The following DMD variants were observed in gnomAD, a reference collection of about 807,000 sequenced individuals.
The protein encoded by DMD is dystrophin, also known as mutant dystrophin.
In DMD, 63 loss-of-function variants were observed where a neutral mutation model predicts 330.1. The ratio of observed to expected loss-of-function variants is 0.19; its 90% CI spans 0.16 to 0.24. The LOEUF (loss-of-function observed/expected upper bound fraction) is 0.24, where lower values mean the gene tolerates loss of function less well. DMD is among the 10% of genes least tolerant of loss of function. The pLI, the probability that DMD is intolerant of heterozygous loss-of-function variation, is 1.00. For synonymous variants in DMD, 1,223 were observed against 959.8 expected, an observed-to-expected ratio of 1.27 and a Z score of -5.07; for missense variants, 3,344 against 2,684.1, an observed-to-expected ratio of 1.25 and a Z score of -5.43.
intron 51 of DMD, among the ~76,000 whole-genome samples, chrX:31,739,842 C>CAA (rs34229635): frequency 1.2e-5 from 1 of 84,124 alleles, no homozygotes; most frequent in African/African-American, 4.2e-5. Context: ...ATAGTAATCT[C>CAA]AAAAAAAAAA....
At chrX:32,657,878 C>A (rs766740328) in intron 9 of DMD, among the ~76,000 whole-genome samples, 1 of 111,002 alleles carries the variant, frequency 9.0e-6, no homozygotes, top group African/African-American at 3.3e-5. Context: ...TTTAATCAGT[C>A]ATTTATAAAT....
At chrX:31,488,091 T>C (rs1189391366) in intron 57 of DMD, among the ~76,000 whole-genome samples, 1 of 111,755 alleles carries the variant, frequency 8.9e-6, no homozygotes, top group South Asian at 3.7e-4. Context: ...TATGGAGGAA[T>C]AGTTTACTGC....
intron 74 of DMD, among the ~76,000 whole-genome samples, chrX:31,164,008 GGGAGAAGGTT>G (rs2039146052): frequency 8.9e-6 from 1 of 111,871 alleles, no homozygotes; most frequent in Admixed American, 9.5e-5. Context: ...CCACAGCCAG[GGGAGAAGGTT>G]GGAGAAGGAT....
intron 1 of DMD, among the ~76,000 whole-genome samples, chrX:33,277,866 G>A (rs1236385908): frequency 3.6e-5 from 4 of 111,149 alleles, no homozygotes; most frequent in Non-Finnish European, 7.5e-5. Context: ...TCAGCATTTC[G>A]AGAAGTCAAG....
chrX:32,683,471 G>T (rs979454697), intron 9 of DMD, among the ~76,000 whole-genome samples: 2 of 108,990 alleles, frequency 1.8e-5, no homozygotes, highest in African/African-American at 6.8e-5. Context: ...CCATAAAAAA[G>T]GATGAGTTCA....
intron 53 of DMD, among the ~76,000 whole-genome samples, chrX:31,658,624 T>A (rs1162778457): frequency 8.9e-6 from 1 of 112,514 alleles, no homozygotes; most frequent in Admixed American, 9.4e-5. Flanking sequence ...AAAAGAATAG[T>A]ACTGTTATTC....
intron 48 of DMD, among the ~76,000 whole-genome samples, chrX:31,842,977 G>T (rs1443821707): frequency 8.9e-6 from 1 of 111,872 alleles, no homozygotes; most frequent in Non-Finnish European, 1.9e-5. Flanking sequence ...AGTGGTATTT[G>T]GTTTTCTGTT....
At chrX:31,664,143 GTATT>G (rs1330940023) in intron 53 of DMD, among the ~76,000 whole-genome samples, 1 of 111,428 alleles carries the variant, frequency 9.0e-6, no homozygotes, top group Non-Finnish European at 1.9e-5. Flanking sequence ...GGCTTGAAAT[GTATT>G]TATGCAGTGT....
At chrX:32,901,668 T>G (rs2086257036) in intron 2 of DMD, among the ~76,000 whole-genome samples, 2 of 111,153 alleles carry the variant, frequency 1.8e-5, no homozygotes, top group South Asian at 7.4e-4. Flanking sequence ...TTTAAAATTT[T>G]TCATAAAATG....
At chrX:32,282,648 T>C (rs918539301) in intron 43 of DMD, among the ~76,000 whole-genome samples, 3 of 112,266 alleles carry the variant, frequency 2.7e-5, no homozygotes, top group African/African-American at 9.7e-5. Context: ...TGAGCAGTCA[T>C]AAATTAGTCT....
At chrX:33,029,328 GCAAA>G in intron 1 of DMD, among the ~76,000 whole-genome samples, 1 of 112,061 alleles carries the variant, frequency 8.9e-6, no homozygotes, top group Middle Eastern at 4.6e-3. Context: ...AATATTTCTT[GCAAA>G]CAATCTGCCT....
chrX:33,291,677 G>C (rs1435055880), intron 1 of DMD, among the ~76,000 whole-genome samples: 2 of 111,334 alleles, frequency 1.8e-5, no homozygotes, highest in East Asian at 5.7e-4. Context: ...CCAAACGACA[G>C]TTTTTTCTGT....
rs1437272515 is a variant in DMD, at chrX:32,991,483, G to T, written c.93+28656C>A. The stretch of plus-strand genomic sequence containing the variant: ...AACACGATGGCCACTAAAACCATGT[G>T]ACTACTGAGCACTTCAAATGTAGCT... On this transcript the variant is annotated intron_variant, in intron 2 of 78. Coordinates refer to ENST00000357033, the MANE Select transcript of DMD (RefSeq NM_004006.3). Among the ~76,000 whole-genome samples, 3 of 111,931 alleles carry T rather than the reference G, an allele frequency of 2.7e-5. No individual in the cohort carries two copies. In the East Asian group the frequency reaches 8.4e-4, roughly 31 times the overall value.
chrX:32,538,320 T>C (rs1381292577), intron 17 of DMD, among the ~76,000 whole-genome samples: 1 of 111,641 alleles, frequency 9.0e-6, no homozygotes, highest in Non-Finnish European at 1.9e-5. Context: ...TTGCCCCACC[T>C]TAACCGAGCG....
intron 2 of DMD, among the ~76,000 whole-genome samples, chrX:32,991,319 G>A (rs759318893): frequency 1.8e-5 from 2 of 111,256 alleles, no homozygotes; most frequent in South Asian, 7.4e-4. Context: ...GTATTTTGGA[G>A]CATAAACAAT....
At chrX:33,224,553 G>T (rs185709815) in intron 1 of DMD, among the ~76,000 whole-genome samples, 105 of 111,574 alleles carry the variant, frequency 9.4e-4, no homozygotes, top group African/African-American at 3.3e-3. Context: ...ATCAGTGGTT[G>T]CCAGGGGTTA....
intron 2 of DMD, among the ~76,000 whole-genome samples, chrX:33,008,981 T>C (rs1395965870): frequency 2.0e-5 from 2 of 98,680 alleles, no homozygotes; most frequent in Non-Finnish European, 4.2e-5. Context: ...TATACACTTA[T>C]GTATATATAC....
intron 13 of DMD, among the ~76,000 whole-genome samples, chrX:32,585,686 CA>C (rs1456751010): frequency 1.8e-5 from 1 of 54,362 alleles, no homozygotes; most frequent in East Asian, 5.9e-4. Flanking sequence ...GGTGACAGAG[CA>C]GGACTCCGTC....
intron 62 of DMD, among the ~76,000 whole-genome samples, chrX:31,280,688 G>T (rs1418966142): frequency 8.9e-6 from 1 of 112,354 alleles, no homozygotes; most frequent in Non-Finnish European, 1.9e-5. Context: ...ACTGCACAAA[G>T]AATGAGGTGC....
Sources: gnomAD v4.1 joint callset for allele counts (sites outside exome capture counted in the v4.1 genomes callset) on GRCh38, gnomAD v4.1.1 for gene constraint, MANE v1.5 for transcripts, NCBI Gene and HGNC (gene_info 2026-07-23, HGNC 2026-07-21) for gene names.